SEMA6A: variants seen among roughly 807,000 people sequenced by gnomAD.
The protein encoded by SEMA6A is semaphorin 6A.
SEMA6A carries 25 observed loss-of-function variants against 96.8 expected under a neutral mutation model. The observed-to-expected ratio is 0.26, with a 90% CI of 0.19 to 0.36. The LOEUF is 0.36. SEMA6A is among the 10% of genes least tolerant of loss of function. The pLI is 1.00. For synonymous variants in SEMA6A, 612 were observed against 518.0 expected (o/e 1.18, Z -2.46); for missense variants, 1,363 against 1,323.1 (o/e 1.03, Z -0.47).
chr5:116,525,346 C>T (rs926878938), intron 1 of SEMA6A, among the ~76,000 whole-genome samples: 3 of 152,130 alleles, frequency 2.0e-5, no homozygotes, highest in Non-Finnish European at 4.4e-5. Context: ...TCCCTTCGTA[C>T]AGCTGTTATT....
chr5:116,496,656 C>A (rs1333034268), intron 4 of SEMA6A, among the ~76,000 whole-genome samples: 1 of 152,158 alleles, frequency 6.6e-6, no homozygotes, highest in African/African-American at 2.4e-5. Flanking sequence ...AATATATGTC[C>A]TTGCCCTTTC....
intron 1 of SEMA6A, among the ~76,000 whole-genome samples, chr5:116,561,195 G>A (rs563160150): frequency 1.8e-4 from 28 of 152,094 alleles, no homozygotes; most frequent in African/African-American, 6.3e-4. Flanking sequence ...GTGATAAGAT[G>A]AAATAAGGCA....
chr5:116,529,204 A>G lies in SEMA6A; in HGVS notation c.-38-24222T>C, dbSNP rs1759357996. Among the ~76,000 whole-genome samples the G allele has an allele frequency of 3.3e-5, 5 of 152,292 alleles. No individual in the cohort carries two copies. In the South Asian group the frequency reaches 1.0e-3, roughly 32 times the overall value. On this transcript the variant is annotated intron_variant, in intron 1 of 18. Coordinates refer to ENST00000343348, the MANE Select transcript of SEMA6A (RefSeq NM_020796.5). Reference sequence around the variant, plus strand: ...CAGTTATTTTAGTATTTTGAGACACAGCTATAAGAGAGTGTTGAATTACTA... The same window carrying G: ...CAGTTATTTTAGTATTTTGAGACACGGCTATAAGAGAGTGTTGAATTACTA...
intron 1 of SEMA6A, chr5:116,554,699 A>G (rs1306073615): frequency 1.3e-5 from 2 of 152,148 alleles, no homozygotes; most frequent in Non-Finnish European, 2.9e-5. Context: ...TTAAGTATAT[A>G]CATACAAGCA....
intron 1 of SEMA6A, among the ~76,000 whole-genome samples, chr5:116,559,365 C>A (rs1475013322): frequency 1.3e-5 from 2 of 152,172 alleles, no homozygotes; most frequent in African/African-American, 2.4e-5. Flanking sequence ...AGACAGCTGG[C>A]CGGAAGACAG....
intron 18 of SEMA6A, among the ~76,000 whole-genome samples, chr5:116,451,015 A>G (rs955312561): frequency 1.6e-4 from 24 of 152,202 alleles, no homozygotes; most frequent in Non-Finnish European, 2.9e-4. Context: ...CAGACTTGTC[A>G]GTAGTGGTGA....
Position 116,447,258 on chromosome 5 carries a change from C to G in SEMA6A, c.2448G>C (p.Val816=), listed in dbSNP as rs778353380. 4.3e-6 allele frequency: 7 copies of G among 1,613,970 alleles called. No homozygotes were observed. The South Asian group carries it at 7.7e-5, about 18-fold the overall frequency. The stretch of plus-strand genomic sequence containing the variant: ...AGCCCTGCTGCGTGATGGGCAGGAC[C>G]ACCACGCTGGGGATGTGGCTGGGGG... The part of the protein sequence containing the change: ...RASPSHIPSV[V]VLPITQQGYQ... The change falls in exon 19 of 19, where the codon GTG becomes GTC. Residue 816 remains valine, a synonymous_variant. Coordinates refer to ENST00000343348, the MANE Select transcript of SEMA6A (RefSeq NM_020796.5).
intron 1 of SEMA6A, among the ~76,000 whole-genome samples, chr5:116,506,168 A>G (rs188227477): frequency 6.6e-6 from 1 of 152,342 alleles, no homozygotes. Flanking sequence ...TTGGAACACC[A>G]TTTTGATTAT....
At position 116,554,468 on chromosome 5, in the gene SEMA6A, G is replaced by T. The variant is rs151064028; in HGVS notation, c.-39+19717C>A. On this transcript the variant is annotated intron_variant, in intron 1 of 18. Coordinates refer to ENST00000343348, the MANE Select transcript of SEMA6A (RefSeq NM_020796.5). Reference sequence around the variant, plus strand: ...TAAAATCCATCTAGCAAAAATATTTGCACAAAACTACATCACAGATAAAAT... The same window carrying T: ...TAAAATCCATCTAGCAAAAATATTTTCACAAAACTACATCACAGATAAAAT... Among the ~76,000 whole-genome samples, 1,062 of 152,182 alleles carry T rather than the reference G, an allele frequency of 7.0e-3. 9 individuals carry two copies. Among genetic ancestry groups the T allele is most frequent in the Non-Finnish European group, 9.4e-3 (636 of 67,990 alleles).
chr5:116,483,073 C>T (rs538001230), intron 10 of SEMA6A, among the ~76,000 whole-genome samples: 2 of 152,182 alleles, frequency 1.3e-5, no homozygotes, highest in Non-Finnish European at 2.9e-5. Context: ...GAAACCCACA[C>T]AAATTTTATG....
chr5:116,527,997 A>T (rs1248167866), intron 1 of SEMA6A, among the ~76,000 whole-genome samples: 1 of 152,168 alleles, frequency 6.6e-6, no homozygotes, highest in Non-Finnish European at 1.5e-5. Context: ...CTTAATTAAC[A>T]ACTTTTGCAA....
chr5:116,507,972 T>C (rs915053063), intron 1 of SEMA6A: 4 of 152,218 alleles, frequency 2.6e-5, no homozygotes, highest in African/African-American at 9.6e-5. Context: ...CAGGTCTATT[T>C]AGGTTCATCT....
chr5:116,556,043 A>T (rs1466888315), intron 1 of SEMA6A, among the ~76,000 whole-genome samples: 1 of 152,156 alleles, frequency 6.6e-6, no homozygotes. Flanking sequence ...CAGGAAGGCT[A>T]TAGCTCAAGG....
At chr5:116,477,950 G>A (rs376327242) in intron 14 of SEMA6A, 24 bp from the exon 15 acceptor site, 1 of 1,613,904 alleles carries the variant, frequency 6.2e-7, no homozygotes, top group East Asian at 2.2e-5. Context: ...ATGACCATGA[G>A]CTACCTAGGA....
Position 116,480,095 on chromosome 5 carries a change from TCAGGACACGGTTTGTTTGA to T in SEMA6A, c.1250+8_1250+26del. 6.2e-7 allele frequency: 1 copy of T among 1,610,708 alleles called. No homozygotes were observed. The highest frequency in any genetic ancestry group is 8.5e-7 in the Non-Finnish European group (1 of 1,178,100). On this transcript the variant is annotated splice_region_variant and intron_variant, in intron 12 of 18. Transcript: ENST00000343348. ...ACATGAGATGAAGTTAGGAAATCCA[TCAGGACACGGTTTGTTTGA>T]CACCCACCTGACCATTGTTCTCAGG...
rs78742544 is a variant in SEMA6A, at chr5:116,510,617, T to C, written c.-38-5635A>G. On this transcript the variant is annotated intron_variant, in intron 1 of 18. Transcript: ENST00000343348. The stretch of plus-strand genomic sequence containing the variant: ...AAAAATTACTTTTTAATAGCTTTTC[T>C]TGGACTCCTTACAAAATTCTCGGGG... 4.2e-3 allele frequency among the ~76,000 whole-genome samples: 639 copies of C among 152,300 alleles called. 3 individuals are homozygous for C. Among genetic ancestry groups the C allele is most frequent in the African/African-American group, 0.014 (601 of 41,564 alleles).
chr5:116,570,488 T>C lies in SEMA6A; in HGVS notation c.-39+3697A>G, dbSNP rs186590204. Among the ~76,000 whole-genome samples, 21 of 152,212 alleles carry C rather than the reference T, an allele frequency of 1.4e-4. No individual in the cohort carries two copies. In the East Asian group the frequency reaches 3.9e-3, roughly 28 times the overall value. ...TCCTCTACTCTAGGAGGACAGAAAA[T>C]TGTCTAAACCTAAAGAAGGGTGTGG... On this transcript the variant is annotated intron_variant, in intron 1 of 18. Coordinates refer to ENST00000343348, the MANE Select transcript of SEMA6A (RefSeq NM_020796.5).
At chr5:116,515,187 T>C (rs1422147567) in intron 1 of SEMA6A, among the ~76,000 whole-genome samples, 1 of 152,226 alleles carries the variant, frequency 6.6e-6, no homozygotes, top group Non-Finnish European at 1.5e-5. Flanking sequence ...TTGTAGACAC[T>C]CAAATTAGAC....
chr5:116,454,687 C>CT (rs771321250), intron 18 of SEMA6A, among the ~76,000 whole-genome samples: 1 of 152,164 alleles, frequency 6.6e-6, no homozygotes, highest in Non-Finnish European at 1.5e-5. Context: ...TTCTTCTTGT[C>CT]TTACGGCATA....
Sources: gnomAD v4.1 joint callset for allele counts (sites outside exome capture counted in the v4.1 genomes callset) on GRCh38, gnomAD v4.1.1 for gene constraint, MANE v1.5 for transcripts, NCBI Gene and HGNC (gene_info 2026-07-23, HGNC 2026-07-21) for gene names.